AVIL: variants seen among roughly 807,000 people sequenced by gnomAD.
AVIL encodes the protein advillin.
AVIL carries 78 observed loss-of-function variants against 109.9 expected under a neutral mutation model. The observed-to-expected ratio is 0.71, with a 90% CI of 0.59 to 0.86. AVIL has a LOEUF of 0.86. Among genes scored for constraint, AVIL ranks in the 40% least tolerant of loss-of-function variants. AVIL has a pLI of 0.00. For synonymous variants in AVIL, 367 were observed against 379.1 expected (o/e 0.97, Z 0.37); for missense variants, 892 against 1,016.5 (o/e 0.88, Z 1.67).
chr12:57,799,662 G>A, intron 19 of AVIL, 133 bp downstream of exon 19: 1 of 1,304,302 alleles, frequency 7.7e-7, no homozygotes, highest in Non-Finnish European at 1.0e-6. Context: ...TTTTTGGTTT[G>A]AGTTCCTAGG....
intron 18 of AVIL, 58 bp from the exon 19 acceptor site, chr12:57,799,978 C>T: frequency 6.2e-7 from 1 of 1,601,066 alleles, no homozygotes; most frequent in Middle Eastern, 1.7e-4. Context: ...TGTGTGGTTA[C>T]AGTTCTGAAT....
At chr12:57,800,664 G>A (rs185237348) in intron 18 of AVIL, 15 of 154,104 alleles carry the variant, frequency 9.7e-5, no homozygotes, top group Admixed American at 8.9e-4. Context: ...CTGGAGTGCA[G>A]TGGTGCCATC....
rs1462153638 is a variant in AVIL, at chr12:57,806,439, G to A, written c.1592C>T (p.Pro531Leu). 1.2e-6 allele frequency: 2 copies of A among 1,614,108 alleles called. No homozygotes were observed. The highest frequency in any genetic ancestry group is 2.2e-5 in the South Asian group (2 of 91,080). Residue 531 changes from proline (P) to leucine (L), a missense_variant, in exon 14 of 20, where the codon CCA (proline) becomes CTA (leucine). By Grantham distance (98) the Pro-to-Leu change is moderately conservative. Coordinates refer to ENST00000549994, the MANE Select transcript of AVIL (RefSeq NM_006576.4). The part of the protein sequence containing the change: ...DKSNTKAVEV[P>L]AFASSLNSND... ...GGAGTTTAGGGAGGAGGCAAAGGCT[G>A]GAACTTCCACTGCTTTGGTGTTAGA...
At chr12:57,812,707 A>G (rs2140458177) in intron 4 of AVIL, among the ~76,000 whole-genome samples, 1 of 141,066 alleles carries the variant, frequency 7.1e-6, no homozygotes, top group South Asian at 2.6e-4. Flanking sequence ...TATATGTCTT[A>G]GTCTGTTTCT....
At position 57,797,879 on chromosome 12, in the gene AVIL, G is replaced by C; in HGVS notation, c.*3C>G. On this transcript the variant is annotated 3_prime_UTR_variant, in exon 20 of 20. Transcript: ENST00000549994. ...CCTTGCAATAGGTATAGGCCTTCTTGCTTTAGAAAAGCCCCTTTTCTTTCT... is the reference window on the plus strand; with the variant it reads ...CCTTGCAATAGGTATAGGCCTTCTTCCTTTAGAAAAGCCCCTTTTCTTTCT... The C allele has an allele frequency of 6.2e-7, 1 of 1,608,380 alleles. No individual in the cohort carries two copies. Among genetic ancestry groups the C allele is most frequent in the Non-Finnish European group, 8.5e-7 (1 of 1,177,082 alleles).
In AVIL at chr12:57,810,363, A is replaced by G. The variant is rs373425322; in HGVS notation, c.747T>C (p.Thr249=). ...GAGCTACTCACTGATACAACATGAT[A>G]GTTGATTTCTGCTTCTGATCTATGA... ...DEIIDQKQKS[T]IMLYHISDSA... Residue 249 remains threonine, a synonymous_variant, in exon 7 of 20, where the codon ACT becomes ACC. Transcript: ENST00000549994. The G allele has an allele frequency of 3.9e-5, 63 of 1,614,010 alleles. No individual in the cohort carries two copies. The highest frequency in any genetic ancestry group is 5.3e-5 in the African/African-American group (4 of 74,898).
chr12:57,808,165 T>C (rs1955980359), intron 11 of AVIL, 29 bp downstream of exon 11: 1 of 1,606,910 alleles, frequency 6.2e-7, no homozygotes, highest in African/African-American at 1.3e-5. Flanking sequence ...CAGTGCTGTC[T>C]GCCCTGACAT....
At chr12:57,816,099 G>T (rs560846020) in intron 1 of AVIL, 40 bp from the exon 2 acceptor site, 147 of 1,518,026 alleles carry the variant, frequency 9.7e-5, no homozygotes, top group Non-Finnish European at 1.2e-4. Context: ...GATATCTCTT[G>T]CCATAGTGGG....
Position 57,810,893 on chromosome 12 carries a change from C to T in AVIL, c.481G>A (p.Asp161Asn), listed in dbSNP as rs918902055. Residue 161 changes from aspartate (D) to asparagine (N), a missense_variant, in exon 6 of 20, where the codon GAT becomes AAT. Transcript: ENST00000549994. The stretch of plus-strand genomic sequence containing the variant: ...TTCCCAAGGTCCAGCAAGAAGACAT[C>T]ACCTCGGTTGAAACTGTCCCAGCTC... Reference protein sequence around the residue: ...EMSWDSFNRGDVFLLDLGKVI... With the variant: ...EMSWDSFNRGNVFLLDLGKVI... The T allele has an allele frequency of 6.2e-7, 1 of 1,614,064 alleles. No homozygotes were observed. Among genetic ancestry groups the T allele is most frequent in the Admixed American group, 1.7e-5 (1 of 60,004 alleles).
intron 14 of AVIL, among the ~76,000 whole-genome samples, chr12:57,805,643 C>T (rs529121381): frequency 3.1e-4 from 47 of 151,470 alleles, no homozygotes; most frequent in African/African-American, 1.1e-3. Context: ...AAGCGATTCT[C>T]CTGCCTCAGC....
Position 57,810,817 on chromosome 12 carries a change from T to G in AVIL, c.557A>C (p.Lys186Thr). The G allele has an allele frequency of 6.2e-7, 1 of 1,614,064 alleles. No individual in the cohort carries two copies. The highest frequency in any genetic ancestry group is 8.5e-7 in the Non-Finnish European group (1 of 1,179,896). The change falls in exon 6 of 20, where the codon AAG (lysine) becomes ACG (threonine). Residue 186 changes from lysine to threonine, a missense_variant and splice_region_variant. Transcript: ENST00000549994. ...AGTGCTAAGGCTAGGAAGCCATACCTTCAGGCGCTCCCCACTGTTGCTCTC... is the reference window on the plus strand; with the variant it reads ...AGTGCTAAGGCTAGGAAGCCATACCGTCAGGCGCTCCCCACTGTTGCTCTC... ...GPESNSGERL[K>T]AMLLAKDIRD...
chr12:57,802,649 A>G, intron 16 of AVIL: 1 of 666,058 alleles, frequency 1.5e-6, no homozygotes, highest in East Asian at 2.7e-5. Flanking sequence ...AAGCACCTTA[A>G]AAATAACACC....
intron 2 of AVIL, among the ~76,000 whole-genome samples, chr12:57,815,276 C>T (rs1342740747): frequency 1.3e-5 from 2 of 152,230 alleles, no homozygotes; most frequent in African/African-American, 2.4e-5. Context: ...TTTAAGGAAA[C>T]TGGAAGCCTT....
At position 57,809,312 on chromosome 12, in the gene AVIL, C is replaced by T. The variant is rs1488796476; in HGVS notation, c.939+285G>A. The T allele has an allele frequency of 1.3e-5, 6 of 453,408 alleles. No individual in the cohort carries two copies. The East Asian group carries it at 2.2e-4, about 17-fold the overall frequency. 28.1% of individuals were successfully genotyped at this position (453,408 alleles called of 1,614,324 possible). ...ACTGCGCCCGGCCCTGAGTGCTTTA[C>T]AAATGATATTTAATCCTCACAATAA... On this transcript the variant is annotated intron_variant, in intron 9 of 19. Coordinates refer to ENST00000549994, the MANE Select transcript of AVIL (RefSeq NM_006576.4).
chr12:57,809,950 T>A, intron 7 of AVIL, 60 bp from the exon 8 acceptor site: 1 of 1,546,706 alleles, frequency 6.5e-7, no homozygotes, highest in Non-Finnish European at 8.9e-7. Context: ...TGTAGTCAAC[T>A]AGATGTTGTT....
intron 19 of AVIL, among the ~76,000 whole-genome samples, chr12:57,798,985 T>G (rs1056060536): frequency 6.6e-6 from 1 of 152,214 alleles, no homozygotes; most frequent in Non-Finnish European, 1.5e-5. Context: ...TGCTATCTGC[T>G]AGGCACTGTT....
intron 18 of AVIL, 32 bp downstream of exon 18, chr12:57,801,112 G>A (rs767310286): frequency 9.6e-5 from 153 of 1,597,348 alleles, no homozygotes; most frequent in Non-Finnish European, 1.1e-4. Context: ...TGCCCATGTG[G>A]CTGGCTTCTC....
At chr12:57,800,941 T>A (rs1367762461) in intron 18 of AVIL, among the ~76,000 whole-genome samples, 2 of 151,460 alleles carry the variant, frequency 1.3e-5, no homozygotes, top group African/African-American at 2.5e-5. Context: ...CAAGTCTGTT[T>A]GAAAATCTGG....
Position 57,813,271 on chromosome 12 carries a change from G to A in AVIL, c.294C>T (p.Tyr98=). 6.2e-7 allele frequency: 1 copy of A among 1,613,984 alleles called. No individual in the cohort carries two copies. Among genetic ancestry groups the A allele is most frequent in the Admixed American group, 1.7e-5 (1 of 60,008 alleles). The change falls in exon 4 of 20, where the codon TAC becomes TAT. Residue 98 remains tyrosine (Y), a synonymous_variant. Transcript: ENST00000549994. ...AGCCACGGAAAGTGTCTGACTCATG[G>A]TACTGGACCTCTCGGTGCTGCACAG... The part of the protein sequence containing the change: ...GSPVQHREVQ[Y]HESDTFRGYF...
Sources: allele counts gnomAD v4.1 joint callset (sites outside exome capture counted in the v4.1 genomes callset), GRCh38; gene constraint gnomAD v4.1.1; transcripts MANE v1.5; gene names NCBI Gene and HGNC (gene_info 2026-07-23, HGNC 2026-07-21).